The following ULK2 variants were observed in gnomAD, a reference collection of about 807,000 sequenced individuals.
ULK2 encodes serine/threonine-protein kinase ULK2.
A neutral mutation model predicts 127.5 loss-of-function variants in ULK2; 76 were observed. The ratio of observed to expected loss-of-function variants is 0.60; its 90% confidence interval spans 0.50 to 0.72. The LOEUF (loss-of-function observed/expected upper bound fraction) is 0.72. Ranked by LOEUF, ULK2 falls within the 30% of genes least tolerant of loss-of-function variation. The pLI, the probability that ULK2 is intolerant of heterozygous loss-of-function variation, is 0.00. For synonymous variants in ULK2, 452 were observed against 461.9 expected, an observed-to-expected ratio of 0.98 and a Z score of 0.28; for missense variants, 1,144 against 1,295.9, an observed-to-expected ratio of 0.88 and a Z score of 1.80.
Position 19,846,917 on chromosome 17 carries a change from CA to C in ULK2, c.296-8del. 1.9e-6 allele frequency: 3 copies of C among 1,599,488 alleles called. No homozygotes were observed. Among genetic ancestry groups the C allele is most frequent in the Admixed American group, 1.7e-5 (1 of 57,604 alleles). Reference sequence around the variant, plus strand: ...TCACTGAGAGTCCCTTTCGCTGGTACAAAAGGAGTCACGTAAATATTTAAGC... The same window carrying C: ...TCACTGAGAGTCCCTTTCGCTGGTACAAAGGAGTCACGTAAATATTTAAGC... On this transcript the variant is annotated splice_region_variant and splice_polypyrimidine_tract_variant and intron_variant, in intron 5 of 26. Coordinates refer to ENST00000395544, the MANE Select transcript of ULK2 (RefSeq NM_014683.4).
intron 12 of ULK2, among the ~76,000 whole-genome samples, chr17:19,822,693 T>G (rs1332558268): frequency 1.3e-5 from 2 of 148,634 alleles, no homozygotes; most frequent in Non-Finnish European, 3.0e-5. Context: ...GTTTGGTTTG[T>G]TTTTTTTTAT....
chr17:19,851,555 G>A (rs569214805), intron 3 of ULK2, among the ~76,000 whole-genome samples: 10 of 149,138 alleles, frequency 6.7e-5, no homozygotes, highest in Admixed American at 3.3e-4. Flanking sequence ...CATGAGAATC[G>A]CTTGAGCCTG....
chr17:19,834,217 C>T (rs1233428075), intron 10 of ULK2, among the ~76,000 whole-genome samples: 3 of 133,102 alleles, frequency 2.3e-5, no homozygotes, highest in Non-Finnish European at 4.9e-5. Flanking sequence ...CAGTATCTAC[C>T]AAAAAAAAAA....
At chr17:19,795,575 A>T in intron 20 of ULK2, 47 bp downstream of exon 20, 2 of 1,474,914 alleles carry the variant, frequency 1.4e-6, no homozygotes, top group Middle Eastern at 3.5e-4. Flanking sequence ...AAACAAATGC[A>T]TATGCTAGCA....
chr17:19,825,346 C>T (rs1483899375), intron 11 of ULK2, among the ~76,000 whole-genome samples, 164 bp from the exon 12 acceptor site: 1 of 152,192 alleles, frequency 6.6e-6, no homozygotes, highest in Non-Finnish European at 1.5e-5. Flanking sequence ...GCAGCAATTA[C>T]TAAAACTATT....
At chr17:19,778,618 A>G (rs1567670000) in intron 25 of ULK2, among the ~76,000 whole-genome samples, 2 of 152,166 alleles carry the variant, frequency 1.3e-5, no homozygotes, top group African/African-American at 2.4e-5. Context: ...AATTTTTAAA[A>G]TGTATTTATG....
intron 13 of ULK2, among the ~76,000 whole-genome samples, chr17:19,812,024 A>C (rs2087652897): frequency 6.6e-6 from 1 of 152,220 alleles, no homozygotes; most frequent in African/African-American, 2.4e-5. Flanking sequence ...TGGAAGGTAT[A>C]AAGTTGATGG....
Position 19,861,726 on chromosome 17 carries a change from C to T in ULK2, c.225+3077G>A, listed in dbSNP as rs568346198. ...CTCTATCTACAGAGACTAAGACAAA[C>T]TACACAAACAGCAGTGAGGAGAACC... On this transcript the variant is annotated intron_variant, in intron 3 of 26. Transcript: ENST00000395544. Among the ~76,000 whole-genome samples, 3 of 152,302 alleles carry T rather than the reference C, an allele frequency of 2.0e-5. No homozygotes were observed. The South Asian group carries it at 6.2e-4, about 32-fold the overall frequency.
Position 19,783,772 on chromosome 17 carries a change from G to A in ULK2, c.2385C>T (p.Tyr795=), listed in dbSNP as rs56296267. ...CCTCTAGGCTGGGGGGTGAAGCACCGTAAGGCACGTATCTCAGGCTGGGAG... is the reference window on the plus strand; with the variant it reads ...CCTCTAGGCTGGGGGGTGAAGCACCATAAGGCACGTATCTCAGGCTGGGAG... ...EAAPSLRYVP[Y]GASPPSLEGL... Residue 795 remains tyrosine (Y), a synonymous_variant, in exon 22 of 27, where the codon TAC becomes TAT. Transcript: ENST00000395544. 8,465 of 1,601,922 alleles carry A rather than the reference G, an allele frequency of 5.3e-3. 233 individuals carry two copies. In the African/African-American group the frequency reaches 0.077, roughly 15 times the overall value.
intron 14 of ULK2, among the ~76,000 whole-genome samples, chr17:19,805,678 G>C (rs969112244): frequency 6.6e-6 from 1 of 152,118 alleles, no homozygotes; most frequent in Non-Finnish European, 1.5e-5. Context: ...TTCTTGGTCA[G>C]TGAGATATAA....
At chr17:19,833,091 CCAGCCTGGGCGACACAGTAAGA>C (rs2041500443) in intron 10 of ULK2, among the ~76,000 whole-genome samples, 1 of 142,586 alleles carries the variant, frequency 7.0e-6, no homozygotes, top group Non-Finnish European at 1.5e-5. Context: ...CCATTGCACT[CCAGCCTGGGCGACACAGTAAGA>C]CTTTGTCTCA....
chr17:19,801,736 G>GA (rs368075323), intron 16 of ULK2, 41 bp downstream of exon 16: 15 of 1,605,924 alleles, frequency 9.3e-6, no homozygotes, highest in African/African-American at 6.7e-5. Flanking sequence ...TTATTACAGT[G>GA]AAAAAAAGGT....
intron 17 of ULK2, among the ~76,000 whole-genome samples, chr17:19,798,382 TCCC>T (rs970397022): frequency 1.3e-5 from 2 of 152,136 alleles, no homozygotes; most frequent in Non-Finnish European, 2.9e-5. Flanking sequence ...GATCCCTGTT[TCCC>T]CCCTACAAAC....
intron 20 of ULK2, among the ~76,000 whole-genome samples, chr17:19,792,766 T>G (rs948439408): frequency 6.6e-6 from 1 of 151,868 alleles, no homozygotes; most frequent in Non-Finnish European, 1.5e-5. Context: ...AGCCAGTCTC[T>G]CTACAGAAAC....
intron 13 of ULK2, among the ~76,000 whole-genome samples, chr17:19,816,174 T>G (rs954586304): frequency 6.6e-6 from 1 of 152,242 alleles, no homozygotes; most frequent in Non-Finnish European, 1.5e-5. Flanking sequence ...TCTCTAGCTT[T>G]TCTGATACTA....
At chr17:19,849,071 A>G (rs1050706978) in intron 5 of ULK2, among the ~76,000 whole-genome samples, 2 of 152,146 alleles carry the variant, frequency 1.3e-5, no homozygotes, top group African/African-American at 4.8e-5. Context: ...AGCCTTTTGA[A>G]GGAGAGGAAT....
At position 19,838,431 on chromosome 17, in the gene ULK2, A is replaced by C. The variant is rs560437259; in HGVS notation, c.787+70T>G. The stretch of plus-strand genomic sequence containing the variant: ...CTGACTTTAATTTTCTGAAATCTCT[A>C]GTTTTTAAATCTTTCGGCATATATA... On this transcript the variant is annotated intron_variant, in intron 10 of 26. Transcript: ENST00000395544. 1.5e-5 allele frequency: 20 copies of C among 1,329,292 alleles called. No individual in the cohort carries two copies. The African/African-American group carries it at 2.4e-4, about 16-fold the overall frequency. The allele number at this position is 1,329,292 out of a possible 1,614,324, so 82.3% of individuals were successfully genotyped here. A position where few individuals can be genotyped will look rare whatever the true frequency, so the allele number is the denominator to read the frequency against.
intron 12 of ULK2, among the ~76,000 whole-genome samples, chr17:19,819,408 C>A (rs965165964): frequency 3.3e-5 from 5 of 152,136 alleles, no homozygotes; most frequent in African/African-American, 1.2e-4. Flanking sequence ...TTCTCATTTG[C>A]CCCTCAAAAA....
chr17:19,858,865 G>A (rs867985025), intron 3 of ULK2, among the ~76,000 whole-genome samples: 29 of 152,296 alleles, frequency 1.9e-4, no homozygotes, highest in Middle Eastern at 3.4e-3. Flanking sequence ...AGCTACTTGG[G>A]AGGCTGAGGC....
Sources: gnomAD v4.1 joint callset for allele counts (sites outside exome capture counted in the v4.1 genomes callset) on GRCh38, gnomAD v4.1.1 for gene constraint, MANE v1.5 for transcripts, NCBI Gene and HGNC (gene_info 2026-07-23, HGNC 2026-07-21) for gene names.